The following GNA14 variants were observed in gnomAD, a reference collection of about 807,000 sequenced individuals.
GNA14 encodes guanine nucleotide-binding protein subunit alpha-14.
GNA14 carries 50 observed loss-of-function variants against 42.0 expected under a neutral mutation model. That is an observed-to-expected ratio of 1.19 (90% CI 0.95 to 1.51). GNA14 has a LOEUF of 1.51. GNA14 is among the 40% of genes most tolerant of loss of function. GNA14 has a pLI of 0.00. For missense variants in GNA14, 473 were observed against 446.2 expected, an observed-to-expected ratio of 1.06 and a Z score of -0.54; for synonymous variants, 173 against 163.1, an observed-to-expected ratio of 1.06 and a Z score of -0.46.
chr9:77,425,772 C>T (rs776907852), intron 5 of GNA14, 57 bp from the exon 6 acceptor site: 1 of 1,259,174 alleles, frequency 7.9e-7, no homozygotes, highest in Non-Finnish European at 1.1e-6. Flanking sequence ...TTGGAAACAA[C>T]ATGGCGCATT....
chr9:77,560,458 T>C (rs947768036), intron 1 of GNA14, among the ~76,000 whole-genome samples: 4 of 151,902 alleles, frequency 2.6e-5, no homozygotes, highest in Non-Finnish European at 4.4e-5. Context: ...CCTGGCTAAT[T>C]ATGTTGTTTT....
chr9:77,545,605 A>G (rs1405135495), intron 1 of GNA14, among the ~76,000 whole-genome samples: 1 of 152,180 alleles, frequency 6.6e-6, no homozygotes, highest in African/African-American at 2.4e-5. Flanking sequence ...GATATTGGAA[A>G]CATAACATCA....
intron 2 of GNA14, among the ~76,000 whole-genome samples, chr9:77,458,134 T>A (rs1431150242): frequency 6.6e-6 from 1 of 152,236 alleles, no homozygotes; most frequent in African/African-American, 2.4e-5. Flanking sequence ...AAGGGCCTGC[T>A]TATTAACACC....
intron 1 of GNA14, among the ~76,000 whole-genome samples, chr9:77,536,926 AT>A (rs113845857): frequency 2.2e-4 from 34 of 151,938 alleles, no homozygotes; most frequent in East Asian, 7.7e-4. Flanking sequence ...CCATATGTGC[AT>A]TTTTTTTTAC....
intron 2 of GNA14, among the ~76,000 whole-genome samples, chr9:77,498,390 A>AG (rs1306475151): frequency 9.0e-5 from 8 of 88,644 alleles, no homozygotes; most frequent in African/African-American, 3.4e-4. Context: ...AAAAAAAAAG[A>AG]AAAAAAAGAA....
intron 1 of GNA14, among the ~76,000 whole-genome samples, chr9:77,625,392 A>G (rs1251458483): frequency 6.6e-6 from 1 of 152,154 alleles, no homozygotes; most frequent in Non-Finnish European, 1.5e-5. Context: ...CAGGAAATAC[A>G]GAGAACACAA....
chr9:77,451,292 T>C (rs897073387), intron 2 of GNA14, among the ~76,000 whole-genome samples: 3 of 152,234 alleles, frequency 2.0e-5, no homozygotes, highest in African/African-American at 7.2e-5. Flanking sequence ...TAGCAGTCTC[T>C]AGCTAAAGAA....
At chr9:77,617,563 A>T (rs1273354286) in intron 1 of GNA14, among the ~76,000 whole-genome samples, 1 of 152,082 alleles carries the variant, frequency 6.6e-6, no homozygotes, top group Non-Finnish European at 1.5e-5. Context: ...CTCCACCATT[A>T]CCACATGTTA....
chr9:77,424,487 T>A (rs994493068), intron 6 of GNA14, among the ~76,000 whole-genome samples: 12 of 152,204 alleles, frequency 7.9e-5, no homozygotes, highest in African/African-American at 2.9e-4. Context: ...CCTCCCAAAG[T>A]GCTGGGATTA....
chr9:77,592,269 G>A (rs1263705324), intron 1 of GNA14, among the ~76,000 whole-genome samples: 2 of 152,192 alleles, frequency 1.3e-5, no homozygotes, highest in Non-Finnish European at 1.5e-5. Context: ...GTAGGAGGTT[G>A]TGAACTAATA....
At chr9:77,637,377 G>A (rs751351673) in intron 1 of GNA14, among the ~76,000 whole-genome samples, 1 of 152,086 alleles carries the variant, frequency 6.6e-6, no homozygotes, top group Non-Finnish European at 1.5e-5. Flanking sequence ...AAAAAACAGA[G>A]ATCTGGCCCT....
chr9:77,595,445 G>A (rs1207499536), intron 1 of GNA14, among the ~76,000 whole-genome samples: 2 of 151,936 alleles, frequency 1.3e-5, no homozygotes, highest in Non-Finnish European at 2.9e-5. Flanking sequence ...CTGCTGTGCT[G>A]AGTGCAACAT....
chr9:77,605,160 G>A (rs1823628307), intron 1 of GNA14, among the ~76,000 whole-genome samples: 1 of 152,208 alleles, frequency 6.6e-6, no homozygotes, highest in Non-Finnish European at 1.5e-5. Context: ...ATCCAGCTGA[G>A]CTATGGTGAA....
At chr9:77,627,470 T>C (rs1285531094) in intron 1 of GNA14, among the ~76,000 whole-genome samples, 2 of 152,180 alleles carry the variant, frequency 1.3e-5, no homozygotes, top group Non-Finnish European at 2.9e-5. Context: ...AGGCACCTGA[T>C]GAACATCAAT....
intron 3 of GNA14, among the ~76,000 whole-genome samples, chr9:77,433,007 T>A (rs1232977643): frequency 1.3e-5 from 2 of 152,260 alleles, no homozygotes; most frequent in Non-Finnish European, 2.9e-5. Flanking sequence ...GATGCTTTTT[T>A]GCATCTAAAC....
At chr9:77,544,309 C>A (rs1206528071) in intron 1 of GNA14, among the ~76,000 whole-genome samples, 1 of 152,130 alleles carries the variant, frequency 6.6e-6, no homozygotes, top group East Asian at 1.9e-4. Flanking sequence ...AAACAAACCA[C>A]ACAAAGTATA....
chr9:77,557,884 C>T lies in GNA14; in HGVS notation c.125-28631G>A, dbSNP rs570334648. On this transcript the variant is annotated intron_variant, in intron 1 of 6. Coordinates refer to ENST00000341700, the MANE Select transcript of GNA14 (RefSeq NM_004297.4). ...TTTTTAAAGAGGGAATCTGAGCAGC[C>T]CTTAGGGATTATCTTACCCAACCCC... is the stretch of plus-strand genomic sequence containing the variant. Among the ~76,000 whole-genome samples, 5 of 152,186 alleles carry T rather than the reference C, an allele frequency of 3.3e-5. No individual in the cohort carries two copies. The South Asian group carries it at 8.3e-4, about 25-fold the overall frequency.
intron 2 of GNA14, among the ~76,000 whole-genome samples, chr9:77,440,279 G>A (rs953241034): frequency 2.0e-5 from 3 of 152,338 alleles, no homozygotes; most frequent in South Asian, 2.1e-4. Context: ...GCGCCCTGCC[G>A]GTTTCACGCA....
In GNA14 at chr9:77,595,948, C is replaced by G. The variant is rs534844809; in HGVS notation, c.124+51722G>C. Among the ~76,000 whole-genome samples the G allele has an allele frequency of 4.1e-3, 618 of 152,130 alleles. 3 individuals carry two copies. The highest frequency in any genetic ancestry group is 0.014 in the African/African-American group (591 of 41,498). ...TGCCCAAGCACAGGGCTACATTTGT[C>G]TCCCAGGATAAGGAGAATAGAGATG... is the stretch of plus-strand genomic sequence containing the variant. On this transcript the variant is annotated intron_variant, in intron 1 of 6. Coordinates refer to ENST00000341700, the MANE Select transcript of GNA14 (RefSeq NM_004297.4).
Sources: gnomAD v4.1 joint callset for allele counts (sites outside exome capture counted in the v4.1 genomes callset) on GRCh38, gnomAD v4.1.1 for gene constraint, MANE v1.5 for transcripts, NCBI Gene and HGNC (gene_info 2026-07-23, HGNC 2026-07-21) for gene names.